Variants in RBFOX1 observed in about 807,000 individuals in gnomAD.
RBFOX1 encodes the protein RNA binding protein fox-1 homolog 1.
RBFOX1 carries 8 observed loss-of-function variants against 57.7 expected under a neutral mutation model. The observed-to-expected ratio is 0.14, with a 90% CI of 0.08 to 0.25. The LOEUF (loss-of-function observed/expected upper bound fraction) is 0.25, where lower values mean the gene tolerates loss of function less well. RBFOX1 is among the 10% of genes least tolerant of loss of function. The probability of loss-of-function intolerance (pLI) is 1.00; values close to 1 mark genes in which losing one functional copy is unlikely to be tolerated. For synonymous variants in RBFOX1, 326 were observed against 222.4 expected, an observed-to-expected ratio of 1.47 and a Z score of -4.15; for missense variants, 611 against 548.5, an observed-to-expected ratio of 1.11 and a Z score of -1.14.
chr16:7,196,278 C>T (rs368941428), intron 4 of RBFOX1, among the ~76,000 whole-genome samples: 87 of 152,188 alleles, frequency 5.7e-4, no homozygotes, highest in African/African-American at 2.0e-3. Flanking sequence ...TTCTTGTTAT[C>T]GACTGTGTTA....
chr16:7,029,525 C>A (rs1177117713), intron 3 of RBFOX1, among the ~76,000 whole-genome samples: 1 of 151,910 alleles, frequency 6.6e-6, no homozygotes, highest in Non-Finnish European at 1.5e-5. Context: ...AGAGTGCTAG[C>A]TCTTAAGAAA....
intron 4 of RBFOX1, among the ~76,000 whole-genome samples, chr16:7,115,337 C>T (rs1020819101): frequency 2.6e-5 from 4 of 151,990 alleles, no homozygotes; most frequent in African/African-American, 4.8e-5. Context: ...TGCATGGAAG[C>T]GAATAAGAAA....
At position 5,484,511 on chromosome 16, in the gene RBFOX1, G is replaced by A. The variant is rs1488872906; in HGVS notation, c.258+17257G>A. 2.0e-5 allele frequency among the ~76,000 whole-genome samples: 3 copies of A among 152,334 alleles called. No individual in the cohort carries two copies. The East Asian group carries it at 5.8e-4, about 29-fold the overall frequency. On this transcript the variant is annotated intron_variant, in intron 2 of 2. Transcript: ENST00000585867. Reference sequence around the variant, plus strand: ...GAAACAGTTAAGGCTGGGCACAGTGGCCCATGCCTGTAATCCAGCCCTTTG... The same window carrying A: ...GAAACAGTTAAGGCTGGGCACAGTGACCCATGCCTGTAATCCAGCCCTTTG...
At chr16:7,585,168 A>G (rs533824568) in intron 6 of RBFOX1, among the ~76,000 whole-genome samples, 1 of 152,240 alleles carries the variant, frequency 6.6e-6, no homozygotes, top group Non-Finnish European at 1.5e-5. Flanking sequence ...TGAATATTCA[A>G]GGGTGGTTGG....
chr16:6,036,021 A>G (rs1567305542), intron 1 of RBFOX1, among the ~76,000 whole-genome samples: 3 of 152,116 alleles, frequency 2.0e-5, no homozygotes. Context: ...CATCCTATGT[A>G]TTATTGTTTT....
At chr16:6,365,110 A>AT (rs1316390763) in intron 2 of RBFOX1, among the ~76,000 whole-genome samples, 1 of 152,074 alleles carries the variant, frequency 6.6e-6, no homozygotes, top group Non-Finnish European at 1.5e-5. Context: ...AAAGGTTTTG[A>AT]TAAAATTAGC....
chr16:5,619,211 C>G (rs1376571702), intron 3 of RBFOX1, among the ~76,000 whole-genome samples: 3 of 152,212 alleles, frequency 2.0e-5, no homozygotes, highest in African/African-American at 7.2e-5. Context: ...GTTGGCCCCA[C>G]TCTCTTCCCA....
chr16:7,215,350 T>A (rs758225945), intron 4 of RBFOX1, among the ~76,000 whole-genome samples: 2 of 152,218 alleles, frequency 1.3e-5, no homozygotes, highest in Non-Finnish European at 2.9e-5. Context: ...ATCATTCTTC[T>A]ATAAAGACAC....
intron 2 of RBFOX1, among the ~76,000 whole-genome samples, chr16:6,627,741 A>AG (rs1348245440): frequency 6.6e-6 from 1 of 152,174 alleles, no homozygotes; most frequent in Non-Finnish European, 1.5e-5. Context: ...CTGAGGCCGG[A>AG]GGGAGGGTGG....
intron 3 of RBFOX1, among the ~76,000 whole-genome samples, chr16:7,024,307 G>T (rs1170999736): frequency 6.6e-6 from 1 of 152,138 alleles, no homozygotes; most frequent in Non-Finnish European, 1.5e-5. Flanking sequence ...CTGGTTCTGT[G>T]ACATTGTGCC....
At chr16:7,481,783 C>T (rs930737434) in intron 4 of RBFOX1, among the ~76,000 whole-genome samples, 1 of 152,052 alleles carries the variant, frequency 6.6e-6, no homozygotes, top group Middle Eastern at 3.2e-3. Context: ...CACTTAACAC[C>T]CCTCACCTAC....
intron 1 of RBFOX1, among the ~76,000 whole-genome samples, chr16:5,327,574 C>T (rs1329148305): frequency 6.6e-6 from 1 of 152,102 alleles, no homozygotes; most frequent in East Asian, 1.9e-4. Context: ...GAGAGAAACG[C>T]CCCAATCTGC....
Position 5,276,344 on chromosome 16 carries a change from C to T in RBFOX1, c.219+36239C>T, listed in dbSNP as rs372814084. Among the ~76,000 whole-genome samples the T allele has an allele frequency of 1.2e-4, 18 of 152,062 alleles. No individual in the cohort carries two copies. In the East Asian group the frequency reaches 3.3e-3, roughly 28 times the overall value. ...CTCTAATCAGCAAGAAAAAAATAAT[C>T]CCATCAAAAAGTGTGCCAAGGACAT... On this transcript the variant is annotated intron_variant, in intron 1 of 2. Coordinates refer to the RBFOX1 transcript ENST00000585867.
At chr16:6,640,153 C>G (rs933585327) in intron 2 of RBFOX1, among the ~76,000 whole-genome samples, 10 of 152,262 alleles carry the variant, frequency 6.6e-5, no homozygotes, top group Admixed American at 3.3e-4. Flanking sequence ...TGATCCACAT[C>G]TACAGGTGAA....
chr16:5,968,367 C>T (rs538912444), intron 4 of RBFOX1, among the ~76,000 whole-genome samples: 1 of 152,038 alleles, frequency 6.6e-6, no homozygotes, highest in Non-Finnish European at 1.5e-5. Context: ...GAGCCACTGC[C>T]CTGGCCTCTC....
At chr16:5,784,632 C>T (rs1198973341) in intron 3 of RBFOX1, among the ~76,000 whole-genome samples, 2 of 152,172 alleles carry the variant, frequency 1.3e-5, no homozygotes, top group East Asian at 3.9e-4. Context: ...CCACCTCCAG[C>T]CCTGTTGATT....
At chr16:7,038,923 C>G (rs2045330227) in intron 3 of RBFOX1, among the ~76,000 whole-genome samples, 1 of 152,176 alleles carries the variant, frequency 6.6e-6, no homozygotes, top group Non-Finnish European at 1.5e-5. Flanking sequence ...TGTGGGCATC[C>G]TGACCTCTGA....
chr16:6,949,146 G>A (rs2080175416), intron 3 of RBFOX1, among the ~76,000 whole-genome samples: 1 of 152,120 alleles, frequency 6.6e-6, no homozygotes, highest in African/African-American at 2.4e-5. Flanking sequence ...ATATGTAACT[G>A]ATGCCTTCCC....
intron 1 of RBFOX1, among the ~76,000 whole-genome samples, chr16:6,187,967 CTTA>C (rs2097116035): frequency 2.6e-5 from 4 of 152,170 alleles, no homozygotes; most frequent in African/African-American, 7.2e-5. Context: ...CTCAACTATT[CTTA>C]TTTTGCCATG....
Sources: allele counts gnomAD v4.1 joint callset (sites outside exome capture counted in the v4.1 genomes callset), GRCh38; gene constraint gnomAD v4.1.1; transcripts MANE v1.5; gene names NCBI Gene and HGNC (gene_info 2026-07-23, HGNC 2026-07-21).